The following DENND2C variants were observed in gnomAD, a reference collection of about 807,000 sequenced individuals.
The protein encoded by DENND2C is DENN domain containing 2C.
A neutral mutation model predicts 112.4 loss-of-function variants in DENND2C; 72 were observed. That is an observed-to-expected ratio of 0.64 (90% CI 0.53 to 0.78). DENND2C has a LOEUF of 0.78. Ranked by LOEUF, DENND2C falls within the 30% of genes least tolerant of loss-of-function variation. DENND2C has a pLI of 0.00. For missense variants in DENND2C, 992 were observed against 1,113.8 expected (o/e 0.89, Z 1.56); for synonymous variants, 329 against 381.6 (o/e 0.86, Z 1.61).
At chr1:114,658,534 G>A (rs945053322) in intron 1 of DENND2C, among the ~76,000 whole-genome samples, 7 of 151,872 alleles carry the variant, frequency 4.6e-5, no homozygotes, top group African/African-American at 1.7e-4. Context: ...GTGAGGAAAT[G>A]GACAAAGTAT....
chr1:114,638,795 AAAAG>A (rs1464434994), intron 3 of DENND2C, among the ~76,000 whole-genome samples: 1 of 151,340 alleles, frequency 6.6e-6, no homozygotes, highest in African/African-American at 2.4e-5. Flanking sequence ...AAAAGAAAAA[AAAAG>A]AAAGAAAAGA....
chr1:114,615,327 A>G (rs1452278736), intron 8 of DENND2C, among the ~76,000 whole-genome samples: 2 of 152,234 alleles, frequency 1.3e-5, no homozygotes, highest in Non-Finnish European at 2.9e-5. Context: ...AAATACACGG[A>G]AAAGAGATGA....
intron 1 of DENND2C, among the ~76,000 whole-genome samples, chr1:114,660,767 ATTTT>A (rs891292906): frequency 6.6e-5 from 10 of 152,278 alleles, no homozygotes; most frequent in African/African-American, 2.2e-4. Context: ...TCAACAATTT[ATTTT>A]TTAAAATTCT....
chr1:114,587,964 T>C lies in DENND2C; in HGVS notation c.2432-12A>G, dbSNP rs1401437502. The C allele has an allele frequency of 6.2e-7, 1 of 1,603,648 alleles. No individual in the cohort carries two copies. The highest frequency in any genetic ancestry group is 8.5e-7 in the Non-Finnish European group (1 of 1,176,292). ...GTTGAGTGTCACATCTGCTGCAACA[T>C]GAAAAAGAAAAAAAGAAAAAAATCT... On this transcript the variant is annotated splice_polypyrimidine_tract_variant and intron_variant, in intron 18 of 20. Coordinates refer to ENST00000393274, the MANE Select transcript of DENND2C (RefSeq NM_001256404.2).
intron 1 of DENND2C, among the ~76,000 whole-genome samples, chr1:114,655,536 T>C (rs1360566637): frequency 1.3e-5 from 2 of 152,094 alleles, no homozygotes; most frequent in African/African-American, 4.8e-5. Context: ...CAGGCTGGAG[T>C]GCAGTGGTGT....
chr1:114,583,506 A>C lies in DENND2C; in HGVS notation c.*2094T>G, dbSNP rs1654958253. 1 of 151,948 alleles carries C rather than the reference A, an allele frequency of 6.6e-6. No individual in the cohort carries two copies. The highest frequency in any genetic ancestry group is 2.4e-5 in the African/African-American group (1 of 41,262). The allele number at this position is 151,948 out of a possible 1,614,324, so 9.4% of individuals were successfully genotyped here. A position where few individuals can be genotyped will look rare whatever the true frequency, so the allele number is the denominator to read the frequency against. On this transcript the variant is annotated 3_prime_UTR_variant, in exon 21 of 21. Coordinates refer to ENST00000393274, the MANE Select transcript of DENND2C (RefSeq NM_001256404.2). The stretch of plus-strand genomic sequence containing the variant: ...CATGAGTTTGAAAACACACACACAC[A>C]CACACACACACACACACAGGCCGGG...
intron 1 of DENND2C, among the ~76,000 whole-genome samples, chr1:114,663,132 C>T (rs1025528541): frequency 2.0e-5 from 3 of 152,166 alleles, no homozygotes; most frequent in Admixed American, 6.5e-5. Context: ...AAAGTGAAGA[C>T]ATTATCATGT....
rs1657750596 is a variant in DENND2C at position 114,669,971 on chromosome 1, C to CCCGA, written c.-574+8_-574+11dup. The CCCGA allele has an allele frequency of 6.6e-6, 1 of 152,616 alleles. No homozygotes were observed. Among genetic ancestry groups the CCCGA allele is most frequent in the Non-Finnish European group, 1.5e-5 (1 of 68,414 alleles). 9.5% of individuals were successfully genotyped at this position (152,616 alleles called of 1,614,324 possible). A position where few individuals can be genotyped will look rare whatever the true frequency, so the allele number is the denominator to read the frequency against. Reference sequence around the variant, plus strand: ...GGCTTAAAACCCCGCGCCGAATCACCCCGACTCTTACCTGTCTGTACCTCA... The same window carrying CCCGA: ...GGCTTAAAACCCCGCGCCGAATCACCCCGACCGACTCTTACCTGTCTGTACCTCA... On this transcript the variant is annotated intron_variant, in intron 1 of 20. Transcript: ENST00000393274.
rs962498223 is a variant in DENND2C at position 114,587,706 on chromosome 1, T to C, written c.2668+10A>G. On this transcript the variant is annotated intron_variant, in intron 19 of 20. Transcript: ENST00000393274. ...TAAATAGAGAGGGAGAACTTTATAA[T>C]GAAACTGACCTTTAACTCCACTTTT... The C allele has an allele frequency of 3.1e-6, 5 of 1,595,616 alleles. No individual in the cohort carries two copies. The highest frequency in any genetic ancestry group is 4.3e-6 in the Non-Finnish European group (5 of 1,169,990).
chr1:114,592,923 T>C (rs1426893888), intron 18 of DENND2C, among the ~76,000 whole-genome samples: 1 of 152,190 alleles, frequency 6.6e-6, no homozygotes, highest in Admixed American at 6.5e-5. Flanking sequence ...GTAGGCATAA[T>C]TGATTACTCT....
chr1:114,604,192 C>T (rs887974517), intron 11 of DENND2C, among the ~76,000 whole-genome samples: 1 of 152,104 alleles, frequency 6.6e-6, no homozygotes, highest in Non-Finnish European at 1.5e-5. Context: ...GGAAGCAACA[C>T]GAAGTTGAAG....
At chr1:114,603,724 A>G (rs1214027326) in intron 11 of DENND2C, among the ~76,000 whole-genome samples, 1 of 151,684 alleles carries the variant, frequency 6.6e-6, no homozygotes, top group African/African-American at 2.4e-5. Context: ...TATTTTTTGT[A>G]GAGACAGGGA....
intron 17 of DENND2C, 35 bp from the exon 18 acceptor site, chr1:114,594,613 T>G: frequency 6.5e-7 from 1 of 1,540,114 alleles, no homozygotes; most frequent in Non-Finnish European, 8.9e-7. Flanking sequence ...TTTTTCTTTG[T>G]TTGAGATTTG....
At chr1:114,594,976 T>G (rs1655303156) in intron 17 of DENND2C, among the ~76,000 whole-genome samples, 1 of 152,236 alleles carries the variant, frequency 6.6e-6, no homozygotes, top group Non-Finnish European at 1.5e-5. Flanking sequence ...TGCGGAGGGC[T>G]GCTCTGAGGA....
At chr1:114,657,832 C>T (rs1047952558) in intron 1 of DENND2C, among the ~76,000 whole-genome samples, 1 of 152,108 alleles carries the variant, frequency 6.6e-6, no homozygotes, top group Non-Finnish European at 1.5e-5. Flanking sequence ...CAAGTTTAAT[C>T]TTGTTCAAAC....
chr1:114,659,295 G>A (rs1051631758), intron 1 of DENND2C, among the ~76,000 whole-genome samples: 2 of 152,106 alleles, frequency 1.3e-5, no homozygotes, highest in Non-Finnish European at 2.9e-5. Flanking sequence ...GCGGTCAGGA[G>A]TTCGAGACCA....
At chr1:114,660,628 G>C (rs912626624) in intron 1 of DENND2C, among the ~76,000 whole-genome samples, 1 of 152,148 alleles carries the variant, frequency 6.6e-6, no homozygotes, top group Non-Finnish European at 1.5e-5. Flanking sequence ...GGCTGGACAG[G>C]GGGAGGGAAC....
chr1:114,662,469 C>A (rs1379618949), intron 1 of DENND2C, among the ~76,000 whole-genome samples: 1 of 152,120 alleles, frequency 6.6e-6, no homozygotes, highest in Admixed American at 6.5e-5. Flanking sequence ...TAATTTCTCT[C>A]CATATCCTTT....
rs758998101 is a variant in DENND2C at position 114,587,702 on chromosome 1, A to G, written c.2668+14T>C. On this transcript the variant is annotated intron_variant, in intron 19 of 20. Coordinates refer to ENST00000393274, the MANE Select transcript of DENND2C (RefSeq NM_001256404.2). ...TCACTAAATAGAGAGGGAGAACTTT[A>G]TAATGAAACTGACCTTTAACTCCAC... is the stretch of plus-strand genomic sequence containing the variant. The G allele has an allele frequency of 3.1e-6, 5 of 1,591,600 alleles. No homozygotes were observed. The highest frequency in any genetic ancestry group is 1.4e-5 in the African/African-American group (1 of 74,012).
Sources: allele counts gnomAD v4.1 joint callset (sites outside exome capture counted in the v4.1 genomes callset), GRCh38; gene constraint gnomAD v4.1.1; transcripts MANE v1.5; gene names NCBI Gene and HGNC (gene_info 2026-07-23, HGNC 2026-07-21).